The following CASP2 variants were observed in gnomAD, a reference collection of about 807,000 sequenced individuals.
CASP2 encodes the protein caspase 2, also known as caspase-2.
Under a neutral mutation model 54.4 loss-of-function variants are expected in CASP2, and 38 were observed. The observed-to-expected ratio is 0.70, with a 90% CI of 0.54 to 0.92. CASP2 has a LOEUF of 0.92. Ranked by LOEUF, CASP2 falls within the 40% of genes least tolerant of loss-of-function variation. CASP2 has a pLI of 0.00. For synonymous variants in CASP2, 215 were observed against 216.3 expected, an observed-to-expected ratio of 0.99 and a Z score of 0.05; for missense variants, 512 against 579.6, an observed-to-expected ratio of 0.88 and a Z score of 1.20.
At chr7:143,294,100 A>C in intron 4 of CASP2, 130 bp from the exon 5 acceptor site, 1 of 700,536 alleles carries the variant, frequency 1.4e-6, no homozygotes. Flanking sequence ...TGAAGCTTAC[A>C]GGTTTGGGTA....
chr7:143,299,374 G>A lies in CASP2; in HGVS notation c.748-549G>A, dbSNP rs112960946. ...CCTGTACAGAATCCTCCTTCATAGC[G>A]TGCTCTTTCTGAAACAAAGCATTTT... On this transcript the variant is annotated intron_variant, in intron 6 of 10. Coordinates refer to ENST00000310447, the MANE Select transcript of CASP2 (RefSeq NM_032982.4). Among the ~76,000 whole-genome samples the A allele has an allele frequency of 2.4e-3, 361 of 152,228 alleles. 1 individual carries two copies. Among genetic ancestry groups the A allele is most frequent in the Middle Eastern group, 0.01 (3 of 294 alleles).
At position 143,291,545 on chromosome 7, in the gene CASP2, T is replaced by C. The variant is rs749242885; in HGVS notation, c.80T>C (p.Leu27Ser). 4.3e-6 allele frequency: 7 copies of C among 1,614,084 alleles called. No individual in the cohort carries two copies. In the Admixed American group the frequency reaches 6.7e-5, roughly 15 times the overall value. ...LMAADRGRRI[L>S]GVCGMHPHHQ... ...CTTCTACCGTTTATCTGTAGGATAT[T>C]GGGAGTGTGTGGCATGCATCCTCAT... The change falls in exon 2 of 11, where the codon TTG becomes TCG. Residue 27 changes from leucine (L) to serine (S), a missense_variant. Around this residue, in one of 3 missense-constraint regions of CASP2, gnomAD observed 89 missense variants for 67.1 expected, o/e 1.33. Transcript: ENST00000310447.
Position 143,306,302 on chromosome 7 carries a change from G to C in CASP2, c.*1231G>C, listed in dbSNP as rs1381806270. On this transcript the variant is annotated 3_prime_UTR_variant, in exon 11 of 11. Coordinates refer to ENST00000310447, the MANE Select transcript of CASP2 (RefSeq NM_032982.4). The stretch of plus-strand genomic sequence containing the variant: ...GACAGAGTCTCGCTCTGTCGCCCAG[G>C]CTGGAGGGCAGTGGCACGATCTCAG... 4 of 139,900 alleles carry C rather than the reference G, an allele frequency of 2.9e-5. No individual in the cohort carries two copies. The highest frequency in any genetic ancestry group is 6.0e-5 in the Non-Finnish European group (4 of 66,120). 8.7% of individuals were successfully genotyped at this position (139,900 alleles called of 1,614,324 possible). A position where few individuals can be genotyped will look rare whatever the true frequency, so the allele number is the denominator to read the frequency against.
chr7:143,304,921 A>T lies in CASP2; in HGVS notation c.1228-19A>T. 3 of 1,614,140 alleles carry T rather than the reference A, an allele frequency of 1.9e-6. No homozygotes were observed. Among genetic ancestry groups the T allele is most frequent in the Non-Finnish European group, 2.5e-6 (3 of 1,180,018 alleles). On this transcript the variant is annotated intron_variant, in intron 10 of 10. Transcript: ENST00000310447. ...GCCCGAGATTCTCAGACTTGGGCCT[A>T]TTGGTTCTGCCCCTCCAGGTGAACG...
chr7:143,290,017 G>A (rs1801506570), intron 1 of CASP2, among the ~76,000 whole-genome samples: 1 of 148,260 alleles, frequency 6.7e-6, no homozygotes, highest in East Asian at 2.0e-4. Flanking sequence ...TAGATGTGTG[G>A]TATTTCACTG....
intron 6 of CASP2, among the ~76,000 whole-genome samples, chr7:143,296,105 TACTG>T (rs151044084): frequency 0.014 from 2,078 of 152,344 alleles, 19 homozygotes; most frequent in Middle Eastern, 0.031. Context: ...AAAGATAAAA[TACTG>T]AGTCACTAAG....
chr7:143,294,468 T>C (rs996620284), intron 5 of CASP2, 129 bp from the exon 6 acceptor site: 1 of 1,063,872 alleles, frequency 9.4e-7, no homozygotes. Context: ...CTGTGAGCAT[T>C]TGTCTATTTT....
At chr7:143,304,911 A>C in intron 10 of CASP2, 29 bp from the exon 11 acceptor site, 1 of 1,614,086 alleles carries the variant, frequency 6.2e-7, no homozygotes, top group Non-Finnish European at 8.5e-7. Flanking sequence ...AGATTCTCAG[A>C]CTTGGGCCTA....
intron 1 of CASP2, among the ~76,000 whole-genome samples, chr7:143,288,763 C>T (rs1014157348): frequency 2.0e-5 from 3 of 152,252 alleles, no homozygotes; most frequent in Non-Finnish European, 4.4e-5. Context: ...CCCCAGCCTC[C>T]CTTTGTTCAA....
chr7:143,305,078 C>T lies in CASP2; in HGVS notation c.*7C>T, dbSNP rs4647339. 2.5e-3 allele frequency: 4,067 copies of T among 1,614,236 alleles called. 94 individuals carry two copies. The African/African-American group carries it at 0.047, about 19-fold the overall frequency. ...AGGACACCCTCCCACATGATGTCAC[C>T]TCCCCATCATCCACGCCAAGTGGAA... On this transcript the variant is annotated 3_prime_UTR_variant, in exon 11 of 11. Coordinates refer to ENST00000310447, the MANE Select transcript of CASP2 (RefSeq NM_032982.4).
chr7:143,297,591 C>T (rs1045438042), intron 6 of CASP2, among the ~76,000 whole-genome samples: 2 of 152,248 alleles, frequency 1.3e-5, no homozygotes, highest in South Asian at 2.1e-4. Flanking sequence ...GGATTACAGG[C>T]GCATGCCACC....
chr7:143,302,228 G>A (rs760036283), intron 8 of CASP2: 3 of 152,162 alleles, frequency 2.0e-5, no homozygotes, highest in Non-Finnish European at 2.9e-5. Context: ...TCCTTTAGGC[G>A]TCTTTACTAA....
At chr7:143,304,059 G>A (rs1267343234) in intron 9 of CASP2, 126 bp downstream of exon 9, 14 of 1,008,680 alleles carry the variant, frequency 1.4e-5, no homozygotes, top group Non-Finnish European at 2.1e-5. Flanking sequence ...TTCAGATTTT[G>A]GATTTTTTTG....
Position 143,300,198 on chromosome 7 carries a change from T to G in CASP2, c.877-6T>G. ...ACCTCTCTTCTTCCTTCTTTCTTTC[T>G]GGCAGCTCCAAGAGGTTTTTCAGCT... On this transcript the variant is annotated splice_region_variant and splice_polypyrimidine_tract_variant and intron_variant, in intron 7 of 10. Transcript: ENST00000310447. 1 of 1,614,126 alleles carries G rather than the reference T, an allele frequency of 6.2e-7. No homozygotes were observed. The highest frequency in any genetic ancestry group is 8.5e-7 in the Non-Finnish European group (1 of 1,179,998).
chr7:143,292,258 A>C, intron 2 of CASP2, 42 bp from the exon 3 acceptor site: 1 of 1,598,254 alleles, frequency 6.3e-7, no homozygotes, highest in African/African-American at 1.3e-5. Context: ...AATTATAGCT[A>C]GAGAAGTAAA....
intron 10 of CASP2, 24 bp downstream of exon 10, chr7:143,304,807 C>T (rs762539310): frequency 1.2e-6 from 2 of 1,606,032 alleles, no homozygotes; most frequent in South Asian, 2.2e-5. Context: ...CTCCGTGACC[C>T]CTGTGTGTCT....
At chr7:143,300,136 G>T (rs1319356973) in intron 7 of CASP2, 68 bp from the exon 8 acceptor site, 1 of 1,611,686 alleles carries the variant, frequency 6.2e-7, no homozygotes, top group Non-Finnish European at 8.5e-7. Flanking sequence ...GGCTACTGTT[G>T]CATGTGTAGG....
chr7:143,297,991 A>G (rs368328826), intron 6 of CASP2, among the ~76,000 whole-genome samples: 36 of 152,232 alleles, frequency 2.4e-4, no homozygotes, highest in Admixed American at 1.6e-3. Flanking sequence ...CAGACTTTCA[A>G]ATATTTTATG....
At chr7:143,293,500 T>C (rs1470654093) in intron 4 of CASP2, among the ~76,000 whole-genome samples, 1 of 151,814 alleles carries the variant, frequency 6.6e-6, no homozygotes, top group Non-Finnish European at 1.5e-5. Context: ...ATGCAGGAGT[T>C]TGTGGTTTTT....
Sources: allele counts gnomAD v4.1 joint callset (sites outside exome capture counted in the v4.1 genomes callset), GRCh38; gene constraint gnomAD v4.1.1; regional missense constraint gnomAD v4.1.1; transcripts MANE v1.5; gene names NCBI Gene and HGNC (gene_info 2026-07-23, HGNC 2026-07-21).